Variants in FAM135B observed in about 807,000 individuals in gnomAD.
The protein encoded by FAM135B is family with sequence similarity 135 member B.
FAM135B carries 43 observed loss-of-function variants against 127.7 expected under a neutral mutation model. That is an observed-to-expected ratio of 0.34 (90% CI 0.26 to 0.43). FAM135B has a LOEUF of 0.43. FAM135B is among the 20% of genes least tolerant of loss of function. The pLI is 1.00. For missense variants in FAM135B, 1,558 were observed against 1,725.6 expected (o/e 0.90, Z 1.72); for synonymous variants, 670 against 665.1 (o/e 1.01, Z -0.11).
chr8:138,487,014 G>A (rs1057188292), intron 1 of FAM135B, among the ~76,000 whole-genome samples: 2 of 151,420 alleles, frequency 1.3e-5, no homozygotes, highest in South Asian at 4.2e-4. Flanking sequence ...TGTGCACAAC[G>A]TGCCGGTTTG....
intron 1 of FAM135B, among the ~76,000 whole-genome samples, chr8:138,404,620 T>C (rs935717708): frequency 2.6e-5 from 4 of 152,110 alleles, no homozygotes; most frequent in Non-Finnish European, 4.4e-5. Flanking sequence ...ACTAAGATTA[T>C]AGAATATTTT....
At chr8:138,305,406 G>T (rs1454184345) in intron 3 of FAM135B, among the ~76,000 whole-genome samples, 1 of 152,162 alleles carries the variant, frequency 6.6e-6, no homozygotes, top group East Asian at 1.9e-4. Flanking sequence ...ACATCTCTAG[G>T]TAGGAAGAGG....
intron 1 of FAM135B, among the ~76,000 whole-genome samples, chr8:138,464,658 T>C (rs911870725): frequency 6.6e-6 from 1 of 152,190 alleles, no homozygotes; most frequent in Non-Finnish European, 1.5e-5. Context: ...AATGGAAGGA[T>C]TTCAGGATAT....
chr8:138,276,383 G>GTGGCCT (rs1455441927), intron 3 of FAM135B, among the ~76,000 whole-genome samples: 3 of 152,156 alleles, frequency 2.0e-5, no homozygotes, highest in African/African-American at 4.8e-5. Flanking sequence ...CTAGTCCACC[G>GTGGCCT]TGGCCTTGGC....
At chr8:138,488,615 C>A (rs561556685) in intron 1 of FAM135B, among the ~76,000 whole-genome samples, 7 of 152,170 alleles carry the variant, frequency 4.6e-5, no homozygotes, top group African/African-American at 1.7e-4. Context: ...CCAGAGGAAG[C>A]CAGATAGTGT....
At chr8:138,320,984 C>G (rs910867014) in intron 2 of FAM135B, among the ~76,000 whole-genome samples, 2 of 152,190 alleles carry the variant, frequency 1.3e-5, no homozygotes, top group Non-Finnish European at 2.9e-5. Context: ...AACAACCGCT[C>G]TGACTCAGGG....
At chr8:138,398,691 G>T (rs755262206) in intron 1 of FAM135B, among the ~76,000 whole-genome samples, 4 of 152,144 alleles carry the variant, frequency 2.6e-5, no homozygotes, top group Non-Finnish European at 5.9e-5. Flanking sequence ...CTCCAAAGAG[G>T]GGGGCATCGA....
chr8:138,377,230 G>A (rs1831535466), intron 1 of FAM135B, among the ~76,000 whole-genome samples: 1 of 152,048 alleles, frequency 6.6e-6, no homozygotes, highest in South Asian at 2.1e-4. Context: ...TTATGAAAAG[G>A]GAAAACATTA....
intron 5 of FAM135B, 132 bp downstream of exon 5, chr8:138,256,557 C>A: frequency 1.4e-6 from 1 of 727,806 alleles, no homozygotes; most frequent in Non-Finnish European, 2.4e-6. Context: ...GAGTCAGGGA[C>A]ATTGCAGCTT....
intron 2 of FAM135B, among the ~76,000 whole-genome samples, chr8:138,346,767 C>A (rs1210213773): frequency 6.6e-6 from 1 of 152,148 alleles, no homozygotes; most frequent in Non-Finnish European, 1.5e-5. Context: ...ACCACTGTGG[C>A]ACACATTTAC....
At chr8:138,359,813 C>T (rs1044988889) in intron 2 of FAM135B, among the ~76,000 whole-genome samples, 2 of 152,170 alleles carry the variant, frequency 1.3e-5, no homozygotes, top group African/African-American at 2.4e-5. Context: ...AGTGATGGGA[C>T]ACATCAGGTA....
intron 2 of FAM135B, chr8:138,358,616 T>C (rs957381602): frequency 1.3e-5 from 2 of 152,290 alleles, no homozygotes; most frequent in East Asian, 3.9e-4. Flanking sequence ...TGCCCATGGG[T>C]ACCCTGCTAA....
chr8:138,302,812 G>A (rs1028020), intron 3 of FAM135B, among the ~76,000 whole-genome samples: 18,615 of 152,242 alleles, frequency 0.12, 2,034 homozygotes, highest in East Asian at 0.4. Context: ...CACCAAGCTC[G>A]CTGTCAACAG....
intron 10 of FAM135B, among the ~76,000 whole-genome samples, chr8:138,178,106 G>C (rs1371783357): frequency 6.6e-6 from 1 of 152,020 alleles, no homozygotes; most frequent in Non-Finnish European, 1.5e-5. Flanking sequence ...AAATTAGTCG[G>C]GTGTGGTGGT....
intron 9 of FAM135B, among the ~76,000 whole-genome samples, chr8:138,183,148 G>A (rs1019317661): frequency 6.6e-6 from 1 of 152,120 alleles, no homozygotes; most frequent in African/African-American, 2.4e-5. Flanking sequence ...AATAACAATG[G>A]CAACACTGAC....
chr8:138,275,309 A>G (rs891766169), intron 3 of FAM135B, among the ~76,000 whole-genome samples: 1 of 152,160 alleles, frequency 6.6e-6, no homozygotes, highest in Non-Finnish European at 1.5e-5. Context: ...TCTTTCAAAA[A>G]ATGTTCTCTC....
At chr8:138,484,627 T>C (rs184416595) in intron 1 of FAM135B, among the ~76,000 whole-genome samples, 1 of 152,296 alleles carries the variant, frequency 6.6e-6, no homozygotes, top group Admixed American at 6.5e-5. Flanking sequence ...AGAGCTTCCT[T>C]TTCCTCTCAC....
At chr8:138,277,262 T>C (rs917077160) in intron 3 of FAM135B, among the ~76,000 whole-genome samples, 19 of 152,152 alleles carry the variant, frequency 1.2e-4, no homozygotes, top group African/African-American at 4.3e-4. Flanking sequence ...TGCTAATACA[T>C]TGTGCCAAAT....
chr8:138,186,651 A>G (rs950422702), intron 9 of FAM135B, among the ~76,000 whole-genome samples: 1 of 152,236 alleles, frequency 6.6e-6, no homozygotes, highest in Non-Finnish European at 1.5e-5. Flanking sequence ...ACATCCGTGC[A>G]GCAGTTGGCT....
Sources: gnomAD v4.1 joint callset for allele counts (sites outside exome capture counted in the v4.1 genomes callset) on GRCh38, gnomAD v4.1.1 for gene constraint, MANE v1.5 for transcripts, NCBI Gene and HGNC (gene_info 2026-07-23, HGNC 2026-07-21) for gene names.